ASAP1: variants seen among roughly 807,000 people sequenced by gnomAD.
ASAP1 encodes arf-GAP with SH3 domain, ANK repeat and PH domain-containing protein 1.
A neutral mutation model predicts 145.2 loss-of-function variants in ASAP1; 43 were observed. The ratio of observed to expected loss-of-function variants is 0.30; its 90% CI spans 0.23 to 0.38. The LOEUF (loss-of-function observed/expected upper bound fraction) is 0.38. ASAP1 is among the 10% of genes least tolerant of loss of function. The pLI is 1.00. For synonymous variants in ASAP1, 546 were observed against 515.5 expected (o/e 1.06, Z -0.80); for missense variants, 1,018 against 1,355.3 (o/e 0.75, Z 3.91).
intron 27 of ASAP1, among the ~76,000 whole-genome samples, chr8:130,072,825 G>GTGTGCGCGCGCGCGCA: frequency 3.1e-4 from 17 of 54,116 alleles, no homozygotes; most frequent in African/African-American, 1.5e-3. Flanking sequence ...GTGTGTGTGT[G>GTGTGCGCGCGCGCGCA]CGCGCGGGGG....
chr8:130,319,362 T>A (rs1219715166), intron 3 of ASAP1, among the ~76,000 whole-genome samples: 1 of 152,232 alleles, frequency 6.6e-6, no homozygotes, highest in Non-Finnish European at 1.5e-5. Context: ...GGCACTTCCC[T>A]GACAGACTGT....
intron 3 of ASAP1, among the ~76,000 whole-genome samples, chr8:130,285,943 C>G (rs2912194): frequency 0.97 from 148,455 of 152,346 alleles, 72,354 homozygotes; most frequent in Middle Eastern, 1. Flanking sequence ...AAATAATTTG[C>G]TACCTGTCTT....
rs115891499 is a variant in ASAP1, at chr8:130,374,274, C to A, written c.60-16131G>T. On this transcript the variant is annotated intron_variant, in intron 2 of 29. Coordinates refer to ENST00000518721, the MANE Select transcript of ASAP1 (RefSeq NM_018482.4). ...ACAACATATGTAGCCCATAAATGTT[C>A]TTTCAATCCAAAGAACTGAGATTTT... 3.4e-3 allele frequency among the ~76,000 whole-genome samples: 518 copies of A among 152,322 alleles called. 4 individuals carry two copies. Among genetic ancestry groups the A allele is most frequent in the African/African-American group, 0.012 (496 of 41,572 alleles).
chr8:130,202,307 C>A (rs1287682803), intron 5 of ASAP1, among the ~76,000 whole-genome samples: 3 of 152,176 alleles, frequency 2.0e-5, no homozygotes, highest in Non-Finnish European at 2.9e-5. Context: ...ACCAAAAGCA[C>A]AATGTTTTAA....
chr8:130,172,454 A>G (rs183959983), intron 9 of ASAP1, among the ~76,000 whole-genome samples: 1 of 152,338 alleles, frequency 6.6e-6, no homozygotes, highest in Admixed American at 6.5e-5. Flanking sequence ...AAATAAGAGA[A>G]CACTAATTAA....
intron 2 of ASAP1, among the ~76,000 whole-genome samples, chr8:130,388,183 G>A (rs1828111784): frequency 1.3e-5 from 2 of 152,228 alleles, no homozygotes; most frequent in Non-Finnish European, 2.9e-5. Context: ...AGCACTTGCT[G>A]AGTGTGAGGA....
chr8:130,272,903 TA>T (rs1173271636), intron 3 of ASAP1, among the ~76,000 whole-genome samples: 1 of 152,076 alleles, frequency 6.6e-6, no homozygotes, highest in Non-Finnish European at 1.5e-5. Flanking sequence ...AACATACAAT[TA>T]GAGGGAATAA....
chr8:130,326,201 C>A (rs964167465), intron 3 of ASAP1, among the ~76,000 whole-genome samples: 1 of 152,172 alleles, frequency 6.6e-6, no homozygotes, highest in African/African-American at 2.4e-5. Context: ...GACTTCCCAG[C>A]GCATATCCTT....
chr8:130,243,121 TTCTTGCC>T lies in ASAP1; in HGVS notation c.187-6134_187-6128del, dbSNP rs1818640213. 2.0e-5 allele frequency among the ~76,000 whole-genome samples: 3 copies of T among 152,220 alleles called. No homozygotes were observed. In the South Asian group the frequency reaches 6.2e-4, roughly 32 times the overall value. ...CTTAACCAGCTGCAGGCCTCCTCAC[TTCTTGCC>T]ACAGCAAAGCAGCAGCAGCAAAACC... is the stretch of plus-strand genomic sequence containing the variant. On this transcript the variant is annotated intron_variant, in intron 3 of 29. Transcript: ENST00000518721.
intron 13 of ASAP1, among the ~76,000 whole-genome samples, chr8:130,142,695 A>G (rs1164488819): frequency 6.6e-6 from 1 of 152,174 alleles, no homozygotes; most frequent in Non-Finnish European, 1.5e-5. Context: ...CAAACTGGGA[A>G]GTGTGATAAG....
chr8:130,084,146 C>A (rs766498056), intron 25 of ASAP1: 1 of 152,204 alleles, frequency 6.6e-6, no homozygotes, highest in Non-Finnish European at 1.5e-5. Flanking sequence ...ATAGTCCCTG[C>A]TAGCGAAAGA....
chr8:130,300,143 CACACACACACAG>C (rs1421656989), intron 3 of ASAP1, among the ~76,000 whole-genome samples: 141 of 111,756 alleles, frequency 1.3e-3, no homozygotes, highest in Middle Eastern at 4.4e-3. Flanking sequence ...CACACACACA[CACACACACACAG>C]AGAGAGAGAG....
intron 13 of ASAP1, among the ~76,000 whole-genome samples, chr8:130,143,374 T>C (rs2097617429): frequency 6.6e-6 from 1 of 151,016 alleles, no homozygotes; most frequent in South Asian, 2.1e-4. Flanking sequence ...TCACTGTTAA[T>C]ACCTTAATTT....
Position 130,121,808 on chromosome 8 carries a change from A to T in ASAP1, c.1607+2205T>A, listed in dbSNP as rs1167710605. Reference sequence around the variant, plus strand: ...TCAAAAAAAAAAAAAAAAAAAAAAAAAAAAGAACATACGATCAATTTAGAA... The same window carrying T: ...TCAAAAAAAAAAAAAAAAAAAAAAATAAAAGAACATACGATCAATTTAGAA... On this transcript the variant is annotated intron_variant, in intron 18 of 29. Transcript: ENST00000518721. 3.2e-4 allele frequency among the ~76,000 whole-genome samples: 48 copies of T among 148,678 alleles called. 1 individual carries two copies. The highest frequency in any genetic ancestry group is 6.0e-4 in the Admixed American group (9 of 15,020).
chr8:130,370,379 GA>G (rs1404596860), intron 2 of ASAP1, among the ~76,000 whole-genome samples: 6 of 152,182 alleles, frequency 3.9e-5, no homozygotes, highest in Admixed American at 3.9e-4. Context: ...GACACAATGA[GA>G]GGTCAGCAGC....
intron 3 of ASAP1, among the ~76,000 whole-genome samples, chr8:130,295,161 GAGTCCTAGC>G (rs1397134106): frequency 6.6e-6 from 1 of 151,918 alleles, no homozygotes; most frequent in African/African-American, 2.4e-5. Flanking sequence ...CATGCACCTG[GAGTCCTAGC>G]TACTTGGGAG....
At chr8:130,193,268 C>T (rs1232468676) in intron 5 of ASAP1, among the ~76,000 whole-genome samples, 1 of 151,996 alleles carries the variant, frequency 6.6e-6, no homozygotes, top group Non-Finnish European at 1.5e-5. Flanking sequence ...ACTTGGGAGG[C>T]TGAGACAGGA....
intron 2 of ASAP1, among the ~76,000 whole-genome samples, chr8:130,385,545 G>T (rs1382804422): frequency 5.9e-5 from 9 of 152,232 alleles, no homozygotes; most frequent in Admixed American, 5.9e-4. Context: ...CAGCTTTTCC[G>T]ACCCGTTACA....
At chr8:130,368,953 TC>T (rs1316294014) in intron 2 of ASAP1, among the ~76,000 whole-genome samples, 9 of 152,214 alleles carry the variant, frequency 5.9e-5, no homozygotes, top group Non-Finnish European at 1.5e-5. Flanking sequence ...GCTAATCTTT[TC>T]CTGGGTTCCA....
Sources: gnomAD v4.1 joint callset for allele counts (sites outside exome capture counted in the v4.1 genomes callset) on GRCh38, gnomAD v4.1.1 for gene constraint, MANE v1.5 for transcripts, NCBI Gene and HGNC (gene_info 2026-07-23, HGNC 2026-07-21) for gene names.